GIGYF2: variants seen among roughly 807,000 people sequenced by gnomAD.
The protein encoded by GIGYF2 is GRB10 interacting GYF protein 2.
GIGYF2 carries 25 observed loss-of-function variants against 208.1 expected under a neutral mutation model. That is an observed-to-expected ratio of 0.12 (90% CI 0.09 to 0.17). The LOEUF is 0.17. GIGYF2 is among the 10% of genes least tolerant of loss of function. The pLI is 1.00. For missense variants in GIGYF2, 1,302 were observed against 1,579.4 expected (o/e 0.82, Z 2.98); for synonymous variants, 534 against 543.8 (o/e 0.98, Z 0.25).
At chr2:232,803,923 A>G (rs1231455429) in intron 14 of GIGYF2, among the ~76,000 whole-genome samples, 1 of 139,904 alleles carries the variant, frequency 7.1e-6, no homozygotes, top group Non-Finnish European at 1.5e-5. Flanking sequence ...TCCTGACCTC[A>G]TGATCCACCC....
At chr2:232,721,099 A>G (rs1696924227) in intron 2 of GIGYF2, among the ~76,000 whole-genome samples, 2 of 152,188 alleles carry the variant, frequency 1.3e-5, no homozygotes, top group Non-Finnish European at 2.9e-5. Context: ...TATTTTGCCC[A>G]CATTCCTTCA....
intron 6 of GIGYF2, among the ~76,000 whole-genome samples, chr2:232,757,787 T>A: frequency 7.7e-6 from 1 of 129,782 alleles, no homozygotes; most frequent in African/African-American, 3.1e-5. Flanking sequence ...CCCCCCGCCA[T>A]TACTTAATCT....
chr2:232,729,057 C>T (rs530581270), intron 2 of GIGYF2, among the ~76,000 whole-genome samples: 1 of 152,262 alleles, frequency 6.6e-6, no homozygotes, highest in African/African-American at 2.4e-5. Flanking sequence ...AGGCTCACTG[C>T]AGTCTCGACC....
chr2:232,849,357 G>A (rs1020416060), intron 27 of GIGYF2, among the ~76,000 whole-genome samples: 1 of 152,014 alleles, frequency 6.6e-6, no homozygotes, highest in Admixed American at 6.6e-5. Flanking sequence ...GTAGAGACGG[G>A]GTTTAACTAT....
At chr2:232,765,835 A>C (rs1482911201) in intron 8 of GIGYF2, 4 of 447,856 alleles carry the variant, frequency 8.9e-6, no homozygotes, top group Non-Finnish European at 1.9e-5. Context: ...GGCCCCTGAG[A>C]TTTTTAGGTA....
chr2:232,807,054 T>C (rs919247809), intron 15 of GIGYF2, among the ~76,000 whole-genome samples: 1 of 152,098 alleles, frequency 6.6e-6, no homozygotes, highest in African/African-American at 2.4e-5. Flanking sequence ...CCTCTTTGAC[T>C]TTCTTTGCTT....
At chr2:232,765,933 C>T (rs1472405829) in intron 8 of GIGYF2, 3 of 459,188 alleles carry the variant, frequency 6.5e-6, no homozygotes, top group African/African-American at 2.1e-5. Context: ...AGTAGTCTTC[C>T]TGATCATGTG....
At chr2:232,768,623 G>C in intron 8 of GIGYF2, 1 of 1,614,130 alleles carries the variant, frequency 6.2e-7, no homozygotes, top group East Asian at 2.2e-5. Flanking sequence ...TGGTCTGGTA[G>C]AGTTTGCCAT....
intron 2 of GIGYF2, among the ~76,000 whole-genome samples, chr2:232,719,697 A>C (rs1696852513): frequency 1.3e-5 from 2 of 152,228 alleles, no homozygotes; most frequent in African/African-American, 4.8e-5. Flanking sequence ...AAAATAACTT[A>C]CAGTGAGGTC....
At chr2:232,771,514 T>G (rs1303357142) in intron 8 of GIGYF2, 4 of 572,772 alleles carry the variant, frequency 7.0e-6, no homozygotes. Context: ...CGCTTTTCTC[T>G]TCACGTTAGA....
chr2:232,802,255 C>A (rs1229466568), intron 14 of GIGYF2, among the ~76,000 whole-genome samples: 1 of 151,312 alleles, frequency 6.6e-6, no homozygotes, highest in Non-Finnish European at 1.5e-5. Flanking sequence ...TTTTTCTTGC[C>A]CAGTTGTTCT....
Position 232,855,084 on chromosome 2 carries a change from T to C in GIGYF2, c.3833-1709T>C, listed in dbSNP as rs1196760772. On this transcript the variant is annotated intron_variant, in intron 28 of 28. Coordinates refer to ENST00000373563, the MANE Select transcript of GIGYF2 (RefSeq NM_001103146.3). ...TTTCTTTTTTTCTTTTTCTTTCTTT[T>C]TTTTTTTTTTTTTTTTTTTTGAGAC... is the stretch of plus-strand genomic sequence containing the variant. 1.8e-3 allele frequency among the ~76,000 whole-genome samples: 53 copies of C among 28,924 alleles called. 1 individual carries two copies. The highest frequency in any genetic ancestry group is 0.015 in the East Asian group (19 of 1,300). 19.0% of individuals were successfully genotyped at this position (28,924 alleles called of 152,430 possible). A position where few individuals can be genotyped will look rare whatever the true frequency, so the allele number is the denominator to read the frequency against.
rs1336077725 is a variant in GIGYF2, at chr2:232,815,670, T to C, written c.2141T>C (p.Leu714Pro). ...WEGGSVWDLP[L>P]DTTTPGPALE... ...GGTGGTAGTGTATGGGATCTTCCTC[T>C]GGACACCACGACACCAGGCCCTGCC... The change falls in exon 19 of 29, where the codon CTG (leucine) becomes CCG (proline). Residue 714 changes from leucine (L) to proline (P), a missense_variant. Leu to Pro is a moderately conservative substitution (Grantham distance 98). Coordinates refer to ENST00000373563, the MANE Select transcript of GIGYF2 (RefSeq NM_001103146.3). 28 of 1,605,478 alleles carry C rather than the reference T, an allele frequency of 1.7e-5. No homozygotes were observed. Among genetic ancestry groups the C allele is most frequent in the Non-Finnish European group, 2.2e-5 (26 of 1,172,228 alleles).
intron 2 of GIGYF2, among the ~76,000 whole-genome samples, chr2:232,722,107 C>T (rs1196656610): frequency 1.3e-5 from 2 of 152,192 alleles, no homozygotes; most frequent in East Asian, 1.9e-4. Flanking sequence ...CTCTCTGCCC[C>T]ATACTCAGGC....
intron 14 of GIGYF2, among the ~76,000 whole-genome samples, chr2:232,796,461 T>G (rs1259197461): frequency 6.6e-6 from 1 of 152,242 alleles, no homozygotes; most frequent in Admixed American, 6.5e-5. Flanking sequence ...CCAAATTCCA[T>G]AATGCTCTAT....
At chr2:232,820,261 T>G (rs1466211774) in intron 21 of GIGYF2, among the ~76,000 whole-genome samples, 1 of 152,116 alleles carries the variant, frequency 6.6e-6, no homozygotes, top group Non-Finnish European at 1.5e-5. Flanking sequence ...AAAGCAAGTT[T>G]CAAACTAAAG....
rs1165204560 is a variant in GIGYF2, at chr2:232,798,876, A to G, written c.1639+2655A>G. On this transcript the variant is annotated intron_variant, in intron 14 of 28. Coordinates refer to ENST00000373563, the MANE Select transcript of GIGYF2 (RefSeq NM_001103146.3). ...ATTTTTAAATATATGGTTCAGTGGT[A>G]TTAAATACTTTTTCATCTTCCCAAA... Among the ~76,000 whole-genome samples, 3 of 151,290 alleles carry G rather than the reference A, an allele frequency of 2.0e-5. No individual in the cohort carries two copies. In the East Asian group the frequency reaches 5.8e-4, roughly 29 times the overall value.
intron 22 of GIGYF2, among the ~76,000 whole-genome samples, chr2:232,833,377 C>T (rs908415146): frequency 6.6e-6 from 1 of 152,108 alleles, no homozygotes; most frequent in Non-Finnish European, 1.5e-5. Flanking sequence ...TGCCCCACCA[C>T]ACCCAGCTAG....
intron 2 of GIGYF2, chr2:232,706,090 G>A (rs1040640625): frequency 2.6e-5 from 4 of 151,978 alleles, no homozygotes; most frequent in African/African-American, 4.8e-5. Flanking sequence ...TGCTATATTA[G>A]TATGTCTAGA....
Sources: gnomAD v4.1 joint callset for allele counts (sites outside exome capture counted in the v4.1 genomes callset) on GRCh38, gnomAD v4.1.1 for gene constraint, MANE v1.5 for transcripts, NCBI Gene and HGNC (gene_info 2026-07-23, HGNC 2026-07-21) for gene names.